MAST4: variants seen among roughly 807,000 people sequenced by gnomAD.
MAST4 encodes the protein microtubule associated serine/threonine kinase family member 4.
Under a neutral mutation model 162.7 loss-of-function variants are expected in MAST4, and 89 were observed. The observed-to-expected ratio is 0.55, with a 90% CI of 0.46 to 0.65. The LOEUF is 0.65. MAST4 is among the 30% of genes least tolerant of loss of function. MAST4 has a pLI of 0.00. For synonymous variants in MAST4, 1,479 were observed against 1,361.1 expected (o/e 1.09, Z -1.91); for missense variants, 3,153 against 3,374.0 (o/e 0.93, Z 1.62).
At chr5:66,806,424 A>T (rs1756188229) in intron 3 of MAST4, among the ~76,000 whole-genome samples, 1 of 152,214 alleles carries the variant, frequency 6.6e-6, no homozygotes, top group Non-Finnish European at 1.5e-5. Context: ...GGAATGTCAC[A>T]CACTTGCATC....
chr5:66,679,971 A>T (rs1748221564), intron 1 of MAST4, among the ~76,000 whole-genome samples: 1 of 152,160 alleles, frequency 6.6e-6, no homozygotes, highest in African/African-American at 2.4e-5. Flanking sequence ...ATTACACATG[A>T]ACTTACAAAC....
At chr5:67,081,910 G>C (rs1192135451) in intron 5 of MAST4, among the ~76,000 whole-genome samples, 2 of 152,040 alleles carry the variant, frequency 1.3e-5, no homozygotes, top group African/African-American at 4.8e-5. Flanking sequence ...AATCACAAAG[G>C]GAAAAATAAT....
At chr5:66,694,974 T>C (rs1749304435) in intron 1 of MAST4, among the ~76,000 whole-genome samples, 1 of 152,236 alleles carries the variant, frequency 6.6e-6, no homozygotes, top group Admixed American at 6.5e-5. Flanking sequence ...AGCTTGTCTG[T>C]TCACTCTGAT....
rs562072816 is a variant in MAST4, at chr5:67,080,186, G to A, written c.764-9976G>A. 2.6e-5 allele frequency among the ~76,000 whole-genome samples: 4 copies of A among 152,300 alleles called. No homozygotes were observed. In the South Asian group the frequency reaches 8.3e-4, roughly 32 times the overall value. ...TTGAAGGAAGCCCCGGGTATCATTT[G>A]TCTTTGACTTTCTGGCCCTAGCAAA... On this transcript the variant is annotated intron_variant, in intron 5 of 28. Coordinates refer to ENST00000403625, the MANE Select transcript of MAST4 (RefSeq NM_001164664.2).
rs1368444225 is a variant in MAST4 at position 67,163,359 on chromosome 5, C to T, written c.4180C>T (p.Arg1394Trp). 1.2e-6 allele frequency: 2 copies of T among 1,612,426 alleles called. No individual in the cohort carries two copies. Among genetic ancestry groups the T allele is most frequent in the South Asian group, 1.1e-5 (1 of 91,070 alleles). Reference protein sequence around the residue: ...SPTPQPTSPQRSPSPLLGHSL... With the variant: ...SPTPQPTSPQWSPSPLLGHSL... ...AACCCCGCAACCCACCTCCCCGCAG[C>T]GGTCACCATCCCCTCTTCTGGGACA... Residue 1394 changes from arginine to tryptophan, a missense_variant, in exon 29 of 29, where the codon CGG becomes TGG. Physicochemically the swap from Arg to Trp is moderately radical, Grantham distance 101. Transcript: ENST00000403625. This position sits in a 1 kb window ranked among gnomAD's most constrained non-coding sequence, Gnocchi z 7.0.
At chr5:66,810,095 T>C (rs78513628) in intron 3 of MAST4, among the ~76,000 whole-genome samples, 4,912 of 152,280 alleles carry the variant, frequency 0.032, 249 homozygotes, top group African/African-American at 0.11. Flanking sequence ...TCAACAGTTT[T>C]AAAGCCTGTG....
intron 5 of MAST4, among the ~76,000 whole-genome samples, chr5:67,084,652 A>G (rs1374212454): frequency 6.6e-6 from 1 of 152,184 alleles, no homozygotes; most frequent in East Asian, 1.9e-4. Flanking sequence ...TTATTTAGAG[A>G]AAGAGAGAAA....
chr5:66,610,038 T>A (rs1411671040), intron 1 of MAST4, among the ~76,000 whole-genome samples: 1 of 152,072 alleles, frequency 6.6e-6, no homozygotes, highest in Non-Finnish European at 1.5e-5. Flanking sequence ...TGCAAAATTA[T>A]TTGCAGTTTT....
chr5:66,970,034 G>A lies in MAST4; in HGVS notation c.674+70052G>A, dbSNP rs72763021. 9.0e-3 allele frequency among the ~76,000 whole-genome samples: 1,364 copies of A among 152,236 alleles called. 12 individuals are homozygous for A. Among genetic ancestry groups the A allele is most frequent in the Non-Finnish European group, 0.013 (867 of 68,030 alleles). On this transcript the variant is annotated intron_variant, in intron 4 of 28. Coordinates refer to ENST00000403625, the MANE Select transcript of MAST4 (RefSeq NM_001164664.2). ...ATAGGATCAAATCTGTGTCATGCAG[G>A]CACTCTTAGGAATGGCTCAGCCAAG...
chr5:66,656,114 T>G (rs1746528031), intron 1 of MAST4, among the ~76,000 whole-genome samples: 1 of 152,188 alleles, frequency 6.6e-6, no homozygotes, highest in Non-Finnish European at 1.5e-5. Flanking sequence ...AAAGGCAGGC[T>G]TGGTGCAGGC....
intron 3 of MAST4, among the ~76,000 whole-genome samples, chr5:66,875,143 A>G (rs558596233): frequency 6.6e-6 from 1 of 152,336 alleles, no homozygotes; most frequent in African/African-American, 2.4e-5. Flanking sequence ...TAGGAATTTC[A>G]AGTGTTAAAG....
intron 4 of MAST4, among the ~76,000 whole-genome samples, chr5:66,970,157 T>C (rs1312311242): frequency 2.0e-5 from 3 of 152,056 alleles, no homozygotes; most frequent in Non-Finnish European, 4.4e-5. Context: ...ACTGGGGTGG[T>C]GTGGACAGGC....
chr5:66,648,893 C>A (rs916511407), intron 1 of MAST4, among the ~76,000 whole-genome samples: 3 of 152,044 alleles, frequency 2.0e-5, no homozygotes, highest in African/African-American at 7.2e-5. Context: ...TATGACCATT[C>A]GGTATGAATT....
chr5:66,693,646 AATCTCTTAAGATTATTAAAT>A (rs1749199042), intron 1 of MAST4, among the ~76,000 whole-genome samples: 1 of 152,172 alleles, frequency 6.6e-6, no homozygotes, highest in African/African-American at 2.4e-5. Flanking sequence ...GATGCCATCA[AATCTCTTAAGATTATTAAAT>A]AGTGCTAGAT....
At position 67,164,283 on chromosome 5, in the gene MAST4, C is replaced by T; in HGVS notation, c.5104C>T (p.Leu1702Phe). ...KMSLEDKEDNLCPVLKPKMTA... is the reference protein window; with the variant it reads ...KMSLEDKEDNFCPVLKPKMTA... ...GTCACTTGAGGACAAAGAGGACAAC[C>T]TCTGCCCTGTGCTGAAGCCCAAGAT... The change falls in exon 29 of 29, where the codon CTC becomes TTC. Residue 1702 changes from leucine (L) to phenylalanine (F), a missense_variant. Transcript: ENST00000403625. This position sits in a 1 kb window ranked among gnomAD's most constrained non-coding sequence, Gnocchi z 5.3. 1.2e-6 allele frequency: 2 copies of T among 1,614,046 alleles called. No homozygotes were observed. Among genetic ancestry groups the T allele is most frequent in the Non-Finnish European group, 8.5e-7 (1 of 1,179,888 alleles).
rs1421510976 is a variant in MAST4, at chr5:67,164,508, C to T, written c.5329C>T (p.Pro1777Ser). 2.3e-5 allele frequency: 37 copies of T among 1,613,978 alleles called. No homozygotes were observed. The highest frequency in any genetic ancestry group is 3.1e-5 in the Non-Finnish European group (36 of 1,179,882). Residue 1777 changes from proline to serine, a missense_variant, in exon 29 of 29, where the codon CCT (proline) becomes TCT (serine). By Grantham distance (74) the Pro-to-Ser change is moderately conservative. Around this residue, in one of 7 missense-constraint regions of MAST4, gnomAD observed 1,644 missense variants for 1,495.0 expected, o/e 1.10. Coordinates refer to ENST00000403625, the MANE Select transcript of MAST4 (RefSeq NM_001164664.2). The surrounding 1 kb of genome is among the most constrained non-coding windows in gnomAD (Gnocchi z 5.3). The part of the protein sequence containing the change: ...SGTEKPGLVA[P>S]ESPVRKSPSE... Reference sequence around the variant, plus strand: ...AACGGAGAAGCCTGGCTTGGTTGCTCCTGAGTCCCCTGTTAGGAAGAGCCC... The same window carrying T: ...AACGGAGAAGCCTGGCTTGGTTGCTTCTGAGTCCCCTGTTAGGAAGAGCCC...
chr5:66,680,840 C>T, intron 1 of MAST4, among the ~76,000 whole-genome samples: 1 of 152,172 alleles, frequency 6.6e-6, no homozygotes, highest in East Asian at 1.9e-4. Context: ...TTTCAGGAGC[C>T]TCTTCCAGAG....
intron 15 of MAST4, among the ~76,000 whole-genome samples, chr5:67,130,676 C>G (rs1349730814): frequency 2.0e-5 from 3 of 152,154 alleles, no homozygotes; most frequent in African/African-American, 7.2e-5. Flanking sequence ...ACTACCTCCT[C>G]TCAATTGGTC....
chr5:66,875,509 C>T (rs923106919), intron 3 of MAST4, among the ~76,000 whole-genome samples: 8 of 152,130 alleles, frequency 5.3e-5, no homozygotes, highest in Non-Finnish European at 1.0e-4. Flanking sequence ...AAATAGGGAA[C>T]AAAAGCATCT....
Sources: allele counts gnomAD v4.1 joint callset (sites outside exome capture counted in the v4.1 genomes callset), GRCh38; gene constraint gnomAD v4.1.1; regional missense constraint gnomAD v4.1.1; non-coding constraint Gnocchi (gnomAD v3.1); transcripts MANE v1.5; gene names NCBI Gene and HGNC (gene_info 2026-07-23, HGNC 2026-07-21).